SORCS2: variants seen among roughly 807,000 people sequenced by gnomAD.
The protein encoded by SORCS2 is sortilin related VPS10 domain containing receptor 2.
In SORCS2, 100 loss-of-function variants were observed where a neutral mutation model predicts 141.6. The observed-to-expected ratio is 0.71, with a 90% CI of 0.60 to 0.83. The LOEUF is 0.83. SORCS2 is among the 40% of genes least tolerant of loss of function. The pLI is 0.00. For synonymous variants in SORCS2, 789 were observed against 676.9 expected (o/e 1.17, Z -2.57); for missense variants, 1,646 against 1,560.2 (o/e 1.05, Z -0.93).
At chr4:7,424,950 C>G (rs555986867) in intron 2 of SORCS2, among the ~76,000 whole-genome samples, 18 of 152,216 alleles carry the variant, frequency 1.2e-4, no homozygotes, top group South Asian at 2.1e-4. Flanking sequence ...GGGTGCTGTG[C>G]CCCGGAGGGC....
At chr4:7,577,714 T>C (rs1021246770) in intron 3 of SORCS2, among the ~76,000 whole-genome samples, 1 of 149,390 alleles carries the variant, frequency 6.7e-6, no homozygotes, top group African/African-American at 2.5e-5. Context: ...AGAAGTTATA[T>C]AGCATACAGG....
rs138376151 is a variant in SORCS2, at chr4:7,233,947, G to C, written c.480+40821G>C. The stretch of plus-strand genomic sequence containing the variant: ...TGTAAAAGGAGGCTGTTGGGCTCAG[G>C]AGCAAGATGGAAAGGGGGTGGGGGA... On this transcript the variant is annotated intron_variant, in intron 1 of 26. Transcript: ENST00000507866. The surrounding 1 kb of genome is among the most constrained non-coding windows in gnomAD (Gnocchi z 4.5). 1.3e-5 allele frequency among the ~76,000 whole-genome samples: 2 copies of C among 152,280 alleles called. No homozygotes were observed. Among genetic ancestry groups the C allele is most frequent in the Non-Finnish European group, 2.9e-5 (2 of 68,034 alleles).
intron 12 of SORCS2, among the ~76,000 whole-genome samples, chr4:7,700,783 A>G (rs757118366): frequency 1.3e-5 from 2 of 152,130 alleles, no homozygotes; most frequent in Non-Finnish European, 2.9e-5. Context: ...CCCCCAGGTT[A>G]ACTCTGAATC....
At chr4:7,511,279 G>A (rs1231735297) in intron 2 of SORCS2, among the ~76,000 whole-genome samples, 2 of 151,360 alleles carry the variant, frequency 1.3e-5, no homozygotes, top group African/African-American at 2.4e-5. Context: ...GGTCTGTGCA[G>A]AGAGAGAGAG....
At chr4:7,363,451 G>A (rs966568568) in intron 1 of SORCS2, among the ~76,000 whole-genome samples, 3 of 144,730 alleles carry the variant, frequency 2.1e-5, no homozygotes, top group African/African-American at 8.4e-5. Flanking sequence ...CACCACCATT[G>A]TGGTGTATCA....
At chr4:7,496,421 A>G (rs1731618586) in intron 2 of SORCS2, among the ~76,000 whole-genome samples, 1 of 110,140 alleles carries the variant, frequency 9.1e-6, no homozygotes, top group African/African-American at 3.2e-5. Context: ...CTGGAAAGCT[A>G]CTGGAGCCCC....
intron 19 of SORCS2, among the ~76,000 whole-genome samples, chr4:7,724,545 G>A (rs1378334246): frequency 5.4e-5 from 8 of 148,596 alleles, no homozygotes; most frequent in Admixed American, 2.7e-4. Flanking sequence ...GATGGTGATA[G>A]TAGTGGTGGG....
chr4:7,367,080 T>G (rs1223040737), intron 1 of SORCS2, among the ~76,000 whole-genome samples: 1 of 152,182 alleles, frequency 6.6e-6, no homozygotes, highest in African/African-American at 2.4e-5. Context: ...CTGGGTCTCC[T>G]CGGAGTACAA....
chr4:7,579,477 C>T (rs890568197), intron 3 of SORCS2, among the ~76,000 whole-genome samples: 1 of 152,134 alleles, frequency 6.6e-6, no homozygotes, highest in East Asian at 1.9e-4. Context: ...GATTCTCCCC[C>T]AAGATTCCAT....
chr4:7,504,696 A>G (rs1196500093), intron 2 of SORCS2, among the ~76,000 whole-genome samples: 1 of 152,216 alleles, frequency 6.6e-6, no homozygotes, highest in African/African-American at 2.4e-5. Context: ...TGCTGTCGCT[A>G]TCACGAGTAG....
intron 1 of SORCS2, among the ~76,000 whole-genome samples, chr4:7,194,371 C>T (rs1310332082): frequency 6.6e-6 from 1 of 152,188 alleles, no homozygotes; most frequent in African/African-American, 2.4e-5. Context: ...CTGGGCTACT[C>T]CCAGCCAGCT....
chr4:7,428,955 GGGT>G (rs1726642039), intron 2 of SORCS2, among the ~76,000 whole-genome samples: 1 of 152,282 alleles, frequency 6.6e-6, no homozygotes, highest in African/African-American at 2.4e-5. Context: ...CTGGCTCACA[GGGT>G]ATGTCCACTA....
intron 8 of SORCS2, among the ~76,000 whole-genome samples, chr4:7,673,200 G>T (rs1435517091): frequency 6.6e-6 from 1 of 152,124 alleles, no homozygotes; most frequent in Non-Finnish European, 1.5e-5. Flanking sequence ...AACGAAATAC[G>T]TGCCCTCTAC....
chr4:7,611,411 A>G (rs184381017), intron 3 of SORCS2, among the ~76,000 whole-genome samples: 1 of 152,332 alleles, frequency 6.6e-6, no homozygotes, highest in Non-Finnish European at 1.5e-5. Flanking sequence ...CCGCCCTCTC[A>G]GCCCCAAGGG....
chr4:7,646,644 CA>C (rs1195458461), intron 4 of SORCS2, among the ~76,000 whole-genome samples: 2 of 151,686 alleles, frequency 1.3e-5, no homozygotes, highest in East Asian at 1.9e-4. Context: ...AATCAAACTA[CA>C]AAAAAAAGAC....
intron 1 of SORCS2, among the ~76,000 whole-genome samples, chr4:7,208,762 C>T (rs1727890352): frequency 6.6e-6 from 1 of 152,194 alleles, no homozygotes; most frequent in South Asian, 2.1e-4. Context: ...TCTCTCTAGT[C>T]CTATAGGGGA....
At chr4:7,540,490 T>C (rs1712541304) in intron 3 of SORCS2, among the ~76,000 whole-genome samples, 1 of 152,334 alleles carries the variant, frequency 6.6e-6, no homozygotes. Context: ...CTGTGTGCAG[T>C]AGCTTGGGAA....
At chr4:7,284,226 G>A (rs1387400670) in intron 1 of SORCS2, among the ~76,000 whole-genome samples, 1 of 152,200 alleles carries the variant, frequency 6.6e-6, no homozygotes, top group Admixed American at 6.5e-5. Context: ...GAGGAAGGAT[G>A]TACAATTTCC....
chr4:7,692,961 T>C (rs36024434), intron 11 of SORCS2, among the ~76,000 whole-genome samples: 21,071 of 152,080 alleles, frequency 0.14, 1,668 homozygotes, highest in South Asian at 0.32. Flanking sequence ...CAGCTACTAA[T>C]AGAAGGGGAT....
Sources: gnomAD v4.1 joint callset for allele counts (sites outside exome capture counted in the v4.1 genomes callset) on GRCh38, gnomAD v4.1.1 for gene constraint, Gnocchi (gnomAD v3.1) non-coding constraint, MANE v1.5 for transcripts, NCBI Gene and HGNC (gene_info 2026-07-23, HGNC 2026-07-21) for gene names.